The following MBNL1 variants were observed in gnomAD, a reference collection of about 807,000 sequenced individuals.
MBNL1 encodes muscleblind-like protein 1.
Under a neutral mutation model 42.2 loss-of-function variants are expected in MBNL1, and 8 were observed. The ratio of observed to expected loss-of-function variants is 0.19; its 90% CI spans 0.11 to 0.34. The LOEUF is 0.34. Among genes scored for constraint, MBNL1 ranks in the 10% least tolerant of loss-of-function variants. MBNL1 has a pLI of 1.00. For missense variants in MBNL1, 309 were observed against 495.3 expected (o/e 0.62, Z 3.57); for synonymous variants, 169 against 173.9 (o/e 0.97, Z 0.22).
rs566259924 is a variant in MBNL1 at position 152,445,951 on chromosome 3, A to G, written c.807+412A>G. On this transcript the variant is annotated intron_variant, in intron 5 of 9. Transcript: ENST00000324210. ...CTTTACATATATCTTGCTTTTAACA[A>G]TAACATGATCTGGAACTATTTAGGA... 9.2e-5 allele frequency among the ~76,000 whole-genome samples: 14 copies of G among 152,326 alleles called. No individual in the cohort carries two copies. The East Asian group carries it at 2.7e-3, about 29-fold the overall frequency.
chr3:152,356,659 C>T (rs548602188), intron 2 of MBNL1, among the ~76,000 whole-genome samples: 116 of 151,998 alleles, frequency 7.6e-4, no homozygotes, highest in African/African-American at 2.7e-3. Flanking sequence ...TAGTAGAGAC[C>T]GGGTTTCACC....
chr3:152,390,090 G>A (rs909455116), intron 2 of MBNL1, among the ~76,000 whole-genome samples: 2 of 150,738 alleles, frequency 1.3e-5, no homozygotes, highest in African/African-American at 2.4e-5. Flanking sequence ...GGCTGGTCTC[G>A]AACTCCTGAC....
chr3:152,394,932 C>T (rs1421688700), intron 2 of MBNL1, among the ~76,000 whole-genome samples: 1 of 152,184 alleles, frequency 6.6e-6, no homozygotes, highest in Non-Finnish European at 1.5e-5. Flanking sequence ...GATCTCGGCT[C>T]ACTGCAATCT....
chr3:152,424,525 T>C (rs1348592840), intron 3 of MBNL1, among the ~76,000 whole-genome samples: 1 of 151,960 alleles, frequency 6.6e-6, no homozygotes, highest in Non-Finnish European at 1.5e-5. Flanking sequence ...TTCAATGGTA[T>C]TCCCATCAAG....
intron 2 of MBNL1, among the ~76,000 whole-genome samples, chr3:152,360,893 A>G (rs1378830528): frequency 6.6e-6 from 1 of 152,134 alleles, no homozygotes; most frequent in African/African-American, 2.4e-5. Flanking sequence ...CGATTCTTAG[A>G]TTAATTATAC....
At chr3:152,261,052 T>C (rs2036178172) in intron 2 of MBNL1, among the ~76,000 whole-genome samples, 1 of 152,228 alleles carries the variant, frequency 6.6e-6, no homozygotes, top group Non-Finnish European at 1.5e-5. Flanking sequence ...GATTGCTACC[T>C]ATTCTGGTTA....
intron 2 of MBNL1, among the ~76,000 whole-genome samples, chr3:152,330,261 C>T (rs1478849644): frequency 1.3e-5 from 2 of 152,138 alleles, no homozygotes; most frequent in Non-Finnish European, 2.9e-5. Context: ...ACTACAGATG[C>T]ACACCACTGC....
intron 2 of MBNL1, among the ~76,000 whole-genome samples, chr3:152,309,033 T>C (rs1037115369): frequency 6.6e-6 from 1 of 152,172 alleles, no homozygotes; most frequent in African/African-American, 2.4e-5. Flanking sequence ...TATTAGGTGG[T>C]GGCGGCAATG....
At chr3:152,350,690 C>T (rs2094864457) in intron 2 of MBNL1, among the ~76,000 whole-genome samples, 1 of 152,048 alleles carries the variant, frequency 6.6e-6, no homozygotes, top group African/African-American at 2.4e-5. Context: ...CCAAAAACTT[C>T]CTGAGAGACA....
intron 2 of MBNL1, among the ~76,000 whole-genome samples, chr3:152,392,629 C>T (rs1306738596): frequency 6.6e-6 from 1 of 152,122 alleles, no homozygotes; most frequent in Non-Finnish European, 1.5e-5. Context: ...ATCCTTAACC[C>T]CTTTCTATTT....
intron 4 of MBNL1, among the ~76,000 whole-genome samples, chr3:152,433,469 G>A (rs1002460443): frequency 4.6e-5 from 7 of 151,980 alleles, no homozygotes; most frequent in Non-Finnish European, 1.0e-4. Context: ...AGTTTTTTGC[G>A]GCCGGGCGCG....
chr3:152,442,579 G>GT (rs2099158691), intron 4 of MBNL1, among the ~76,000 whole-genome samples: 1 of 152,064 alleles, frequency 6.6e-6, no homozygotes, highest in African/African-American at 2.4e-5. Flanking sequence ...GTGAAATGTT[G>GT]TCAGTTATAA....
chr3:152,425,198 A>G (rs1429836629), intron 3 of MBNL1, among the ~76,000 whole-genome samples: 4 of 152,018 alleles, frequency 2.6e-5, no homozygotes, highest in African/African-American at 4.8e-5. Context: ...CAAATAACTT[A>G]AACAAATTTA....
At chr3:152,274,963 CA>C (rs2044091214) in intron 1 of MBNL1, among the ~76,000 whole-genome samples, 1 of 152,106 alleles carries the variant, frequency 6.6e-6, no homozygotes, top group Non-Finnish European at 1.5e-5. Flanking sequence ...AGAATATTAT[CA>C]AAGATATTTT....
intron 3 of MBNL1, among the ~76,000 whole-genome samples, chr3:152,425,836 G>A (rs12633174): frequency 0.72 from 110,046 of 152,042 alleles, 40,103 homozygotes; most frequent in East Asian, 0.84. Context: ...TGACCCAGCA[G>A]TCCCATTACT....
upstream of MBNL1, chr3:152,263,068 G>C (rs891684656): frequency 6.6e-6 from 1 of 152,184 alleles, no homozygotes; most frequent in Non-Finnish European, 1.5e-5. Flanking sequence ...CAGGAGGCTT[G>C]TCCTCTTGTT....
chr3:152,381,682 TTC>T (rs2097186104), intron 2 of MBNL1, among the ~76,000 whole-genome samples: 1 of 152,030 alleles, frequency 6.6e-6, no homozygotes, highest in Non-Finnish European at 1.5e-5. Context: ...ATGCCAATAA[TTC>T]TTTTCATTCA....
chr3:152,309,048 G>C (rs1392691163), intron 2 of MBNL1, among the ~76,000 whole-genome samples: 1 of 152,190 alleles, frequency 6.6e-6, no homozygotes, highest in Non-Finnish European at 1.5e-5. Flanking sequence ...GCAATGGTTA[G>C]GAGGGGGAAG....
chr3:152,454,578 GA>G (rs1171626727), intron 6 of MBNL1, among the ~76,000 whole-genome samples: 1 of 152,156 alleles, frequency 6.6e-6, no homozygotes, highest in East Asian at 1.9e-4. Flanking sequence ...ATGTCAAAGA[GA>G]ACAAGGACTA....
Sources: gnomAD v4.1 joint callset for allele counts (sites outside exome capture counted in the v4.1 genomes callset) on GRCh38, gnomAD v4.1.1 for gene constraint, MANE v1.5 for transcripts, NCBI Gene and HGNC (gene_info 2026-07-23, HGNC 2026-07-21) for gene names.